The following SNX29 variants were observed in gnomAD, a reference collection of about 807,000 sequenced individuals.
SNX29 encodes the protein sorting nexin 29.
In SNX29, 78 loss-of-function variants were observed where a neutral mutation model predicts 102.1. That is an observed-to-expected ratio of 0.76 (90% CI 0.64 to 0.92). The LOEUF (loss-of-function observed/expected upper bound fraction) is 0.92, where lower values mean the gene tolerates loss of function less well. Among genes scored for constraint, SNX29 ranks in the 40% least tolerant of loss-of-function variants. The pLI, the probability that SNX29 is intolerant of heterozygous loss-of-function variation, is 0.00. For synonymous variants in SNX29, 580 were observed against 414.5 expected (o/e 1.40, Z -4.85); for missense variants, 1,280 against 1,061.7 (o/e 1.21, Z -2.86).
intron 13 of SNX29, among the ~76,000 whole-genome samples, chr16:12,138,070 A>T (rs1187524543): frequency 2.6e-5 from 4 of 152,112 alleles, no homozygotes; most frequent in Admixed American, 2.6e-4. Flanking sequence ...TGGGAAGGGG[A>T]TGTGGTAGCA....
intron 18 of SNX29, among the ~76,000 whole-genome samples, chr16:12,473,272 C>G (rs1190576092): frequency 6.6e-6 from 1 of 152,152 alleles, no homozygotes; most frequent in Non-Finnish European, 1.5e-5. Flanking sequence ...GTGGATCAGC[C>G]ATTTGGGTAA....
chr16:12,209,781 G>T (rs1451680155), intron 14 of SNX29, among the ~76,000 whole-genome samples: 1 of 152,140 alleles, frequency 6.6e-6, no homozygotes, highest in Non-Finnish European at 1.5e-5. Context: ...CTGCACTTAA[G>T]TCAGGCATTG....
intron 19 of SNX29, among the ~76,000 whole-genome samples, chr16:12,486,851 A>C (rs925737532): frequency 1.3e-5 from 2 of 152,158 alleles, no homozygotes; most frequent in Non-Finnish European, 2.9e-5. Flanking sequence ...TAGTTCATCC[A>C]CAGGCTTGTA....
At chr16:12,297,670 A>G (rs1003489099) in intron 15 of SNX29, among the ~76,000 whole-genome samples, 5 of 152,160 alleles carry the variant, frequency 3.3e-5, no homozygotes, top group Admixed American at 1.3e-4. Flanking sequence ...CACAGTGTAC[A>G]CATACTTCAG....
intron 18 of SNX29, among the ~76,000 whole-genome samples, chr16:12,475,103 A>T (rs1282106633): frequency 6.6e-6 from 1 of 152,164 alleles, no homozygotes; most frequent in Non-Finnish European, 1.5e-5. Context: ...TGGGTGGGAG[A>T]TGCTGCTCTC....
intron 10 of SNX29, among the ~76,000 whole-genome samples, chr16:12,076,078 C>T (rs559514660): frequency 5.3e-5 from 8 of 152,334 alleles, no homozygotes; most frequent in Admixed American, 3.9e-4. Flanking sequence ...TCACCCCTTT[C>T]CTTGAACAGG....
chr16:12,539,697 C>G (rs1201991923), intron 20 of SNX29, among the ~76,000 whole-genome samples: 1 of 152,232 alleles, frequency 6.6e-6, no homozygotes, highest in East Asian at 1.9e-4. Context: ...GGCAGCATGT[C>G]ATACTGTCAT....
At chr16:12,119,490 A>G (rs2053883795) in intron 11 of SNX29, among the ~76,000 whole-genome samples, 1 of 152,196 alleles carries the variant, frequency 6.6e-6, no homozygotes, top group East Asian at 1.9e-4. Context: ...TTTCCATCCC[A>G]TTCCCATGAG....
chr16:12,115,624 T>G (rs1036930825), intron 11 of SNX29, among the ~76,000 whole-genome samples: 4 of 152,174 alleles, frequency 2.6e-5, no homozygotes, highest in African/African-American at 9.7e-5. Flanking sequence ...CCATCTCTTC[T>G]TGCAGACCTA....
At position 11,976,822 on chromosome 16, in the gene SNX29, C is replaced by T. The variant is rs1033199572; in HGVS notation, c.7+9C>T. ...GAGAGGCACCATGAGCGGTGAGTGG[C>T]GGCCCCGCCGCTGTCACCTGCCCCG... On this transcript the variant is annotated intron_variant, in intron 1 of 20. Transcript: ENST00000566228. 3 of 1,373,848 alleles carry T rather than the reference C, an allele frequency of 2.2e-6. No homozygotes were observed. The highest frequency in any genetic ancestry group is 6.2e-5 in the East Asian group (2 of 32,488). The allele number at this position is 1,373,848 out of a possible 1,614,324, so 85.1% of individuals were successfully genotyped here.
At chr16:12,389,938 A>G (rs1477937660) in intron 16 of SNX29, among the ~76,000 whole-genome samples, 1 of 152,192 alleles carries the variant, frequency 6.6e-6, no homozygotes, top group Non-Finnish European at 1.5e-5. Context: ...GGGTTAGTTG[A>G]ATACTTTCCA....
In SNX29 at chr16:12,419,758, A is replaced by G. The variant is rs2084798587; in HGVS notation, c.2037+16229A>G. 1.3e-5 allele frequency among the ~76,000 whole-genome samples: 2 copies of G among 152,210 alleles called. 1 individual carries two copies. Among genetic ancestry groups the G allele is most frequent in the South Asian group, 4.2e-4 (2 of 4,816 alleles). On this transcript the variant is annotated intron_variant, in intron 18 of 20. Transcript: ENST00000566228. ...CTGGAAGTGACTGTCTTTGACTCTC[A>G]ATGGTCTAGGCCATACCACGTGTCT...
intron 17 of SNX29, among the ~76,000 whole-genome samples, chr16:12,401,484 C>A (rs1289324772): frequency 6.6e-6 from 1 of 151,524 alleles, no homozygotes; most frequent in Non-Finnish European, 1.5e-5. Flanking sequence ...CTGCCTCAGC[C>A]TCCCAAGTAG....
intron 14 of SNX29, among the ~76,000 whole-genome samples, chr16:12,243,484 C>T (rs553051531): frequency 2.8e-4 from 42 of 152,276 alleles, no homozygotes; most frequent in East Asian, 7.7e-4. Flanking sequence ...GACTCAGTAC[C>T]GTGTGAGATT....
chr16:12,320,678 C>T (rs958266892), intron 15 of SNX29, among the ~76,000 whole-genome samples: 1 of 152,266 alleles, frequency 6.6e-6, no homozygotes. Flanking sequence ...TAAGATCACT[C>T]CAGCATAGAC....
chr16:12,254,460 G>GC (rs1346348705), intron 14 of SNX29, among the ~76,000 whole-genome samples: 1 of 152,084 alleles, frequency 6.6e-6, no homozygotes, highest in Non-Finnish European at 1.5e-5. Context: ...GACCAGCCTG[G>GC]CCATCCCCGT....
chr16:12,550,531 CA>C (rs34325828), intron 20 of SNX29, among the ~76,000 whole-genome samples: 1,491 of 108,146 alleles, frequency 0.014, 13 homozygotes, highest in East Asian at 0.032. Flanking sequence ...TCTCAATCTA[CA>C]AAAAAAAAAA....
At chr16:12,037,755 C>G (rs2057516787) in intron 4 of SNX29, among the ~76,000 whole-genome samples, 1 of 151,056 alleles carries the variant, frequency 6.6e-6, no homozygotes, top group Non-Finnish European at 1.5e-5. Flanking sequence ...AGTTCAAGAC[C>G]AGCTTGAGTA....
At chr16:12,470,789 G>A (rs997301414) in intron 18 of SNX29, among the ~76,000 whole-genome samples, 6 of 152,124 alleles carry the variant, frequency 3.9e-5, no homozygotes, top group Non-Finnish European at 7.4e-5. Context: ...CCCTAATTCT[G>A]TAATAGGGAA....
Sources: allele counts gnomAD v4.1 joint callset (sites outside exome capture counted in the v4.1 genomes callset), GRCh38; gene constraint gnomAD v4.1.1; transcripts MANE v1.5; gene names NCBI Gene and HGNC (gene_info 2026-07-23, HGNC 2026-07-21).